Variants in LPIN3 observed in about 807,000 individuals in gnomAD.
The protein encoded by LPIN3 is phosphatidate phosphatase LPIN3.
LPIN3 carries 82 observed loss-of-function variants against 94.7 expected under a neutral mutation model. The observed-to-expected ratio is 0.87, with a 90% CI of 0.72 to 1.04. LPIN3 has a LOEUF of 1.04. LPIN3 is among the 50% of genes least tolerant of loss of function. LPIN3 has a pLI of 0.00. For synonymous variants in LPIN3, 418 were observed against 443.3 expected (o/e 0.94, Z 0.72); for missense variants, 996 against 1,090.5 (o/e 0.91, Z 1.22).
At position 41,358,706 on chromosome 20, in the gene LPIN3, C is replaced by T. The variant is rs2046304664; in HGVS notation, c.2412-16C>T. The T allele has an allele frequency of 6.2e-7, 1 of 1,613,168 alleles. No individual in the cohort carries two copies. The highest frequency in any genetic ancestry group is 1.3e-5 in the African/African-American group (1 of 74,912). The stretch of plus-strand genomic sequence containing the variant: ...GTGGCAGCTCAGGCTCAGTGCTGGC[C>T]CCCTTCTGCCTGTAGGTATGAGCGG... On this transcript the variant is annotated splice_polypyrimidine_tract_variant and intron_variant, in intron 19 of 19. Coordinates refer to ENST00000373257, the MANE Select transcript of LPIN3 (RefSeq NM_022896.3).
chr20:41,354,540 G>A, intron 11 of LPIN3, 105 bp from the exon 12 acceptor site: 1 of 1,091,974 alleles, frequency 9.2e-7, no homozygotes, highest in Non-Finnish European at 1.3e-6. Flanking sequence ...TTACCCTAGG[G>A]TTGGCTCAGA....
intron 3 of LPIN3, 88 bp downstream of exon 3, chr20:41,347,735 C>T (rs926182235): frequency 1.0e-5 from 12 of 1,194,128 alleles, no homozygotes; most frequent in Admixed American, 7.3e-5. Flanking sequence ...TCACCATCCT[C>T]GCCCTTCCCC....
At chr20:41,355,870 G>A (rs2046189388) in intron 13 of LPIN3, 26 bp from the exon 14 acceptor site, 2 of 1,612,196 alleles carry the variant, frequency 1.2e-6, no homozygotes, top group African/African-American at 2.7e-5. Flanking sequence ...TGGAGGAGAT[G>A]GCCTGAGAGC....
rs913912429 is a variant in LPIN3, at chr20:41,352,783, G to A, written c.1458-15G>A. 4 of 1,614,052 alleles carry A rather than the reference G, an allele frequency of 2.5e-6. No individual in the cohort carries two copies. In the African/African-American group the frequency reaches 5.3e-5, roughly 22 times the overall value. The stretch of plus-strand genomic sequence containing the variant: ...TGCAGCTGCTGCAGCTTGATGCCCT[G>A]TTCTGTCTCTCTAGGCATTATAACT... On this transcript the variant is annotated splice_polypyrimidine_tract_variant and intron_variant, in intron 10 of 19. Coordinates refer to ENST00000373257, the MANE Select transcript of LPIN3 (RefSeq NM_022896.3).
Position 41,358,728 on chromosome 20 carries a change from G to C in LPIN3, c.2418G>C (p.Glu806Asp). Residue 806 changes from glutamate to aspartate, a missense_variant, in exon 20 of 20, where the codon GAG (glutamate) becomes GAC (aspartate). Transcript: ENST00000373257. Reference sequence around the variant, plus strand: ...GGCCCCCTTCTGCCTGTAGGTATGAGCGGCTTGGTGAAGTGGTCGAGCTCC... The same window carrying C: ...GGCCCCCTTCTGCCTGTAGGTATGACCGGCTTGGTGAAGTGGTCGAGCTCC... The part of the protein sequence containing the change: ...ELIKNHKSTY[E>D]RLGEVVELLF... The C allele has an allele frequency of 6.2e-7, 1 of 1,614,054 alleles. No homozygotes were observed. The highest frequency in any genetic ancestry group is 8.5e-7 in the Non-Finnish European group (1 of 1,179,974).
At chr20:41,342,552 G>A (rs975956667) in intron 1 of LPIN3, among the ~76,000 whole-genome samples, 18 of 152,202 alleles carry the variant, frequency 1.2e-4, no homozygotes, top group African/African-American at 4.3e-4. Flanking sequence ...GCTCTCCTCT[G>A]TCTGGAAAAG....
In LPIN3 at chr20:41,358,847, A is replaced by C; in HGVS notation, c.2537A>C (p.Asp846Ala). ...TGGCGGGAGCCACTGCCTGCTGTGG[A>C]CCTTGATACCCTGGACTGAACCTGC... Reference protein sequence around the residue: ...CYWREPLPAVDLDTLD With the variant: ...CYWREPLPAVALDTLD The change falls in exon 20 of 20, where the codon GAC (aspartate) becomes GCC (alanine). Residue 846 changes from aspartate (D) to alanine (A), a missense_variant. Coordinates refer to ENST00000373257, the MANE Select transcript of LPIN3 (RefSeq NM_022896.3). The C allele has an allele frequency of 6.2e-7, 1 of 1,613,564 alleles. No individual in the cohort carries two copies. Among genetic ancestry groups the C allele is most frequent in the Non-Finnish European group, 8.5e-7 (1 of 1,179,884 alleles).
chr20:41,357,008 A>G (rs1401887344), intron 14 of LPIN3, 32 bp from the exon 15 acceptor site: 6 of 1,600,408 alleles, frequency 3.7e-6, no homozygotes, highest in African/African-American at 1.3e-5. Flanking sequence ...GCTGTCATCA[A>G]TCACGACACA....
In LPIN3 at chr20:41,348,622, C is replaced by G. The variant is rs1172198927; in HGVS notation, c.292C>G (p.His98Asp). The change falls in exon 4 of 20, where the codon CAT becomes GAT. Residue 98 changes from histidine to aspartate, a missense_variant. Coordinates refer to ENST00000373257, the MANE Select transcript of LPIN3 (RefSeq NM_022896.3). ...CAGTTCTTGGTCTGTTCCACAGGAACATGTGCCTCCCGGCCTGTGCACCTC... is the reference window on the plus strand; with the variant it reads ...CAGTTCTTGGTCTGTTCCACAGGAAGATGTGCCTCCCGGCCTGTGCACCTC... Reference protein sequence around the residue: ...FVQELESDDEHVPPGLCTSPI... With the variant: ...FVQELESDDEDVPPGLCTSPI... 6.2e-7 allele frequency: 1 copy of G among 1,605,624 alleles called. No individual in the cohort carries two copies. Among genetic ancestry groups the G allele is most frequent in the Non-Finnish European group, 8.5e-7 (1 of 1,174,718 alleles).
In LPIN3 at chr20:41,352,156, C is replaced by T. The variant is rs576893849; in HGVS notation, c.1299C>T (p.Asp433=). The T allele has an allele frequency of 6.2e-7, 1 of 1,614,218 alleles. No individual in the cohort carries two copies. The highest frequency in any genetic ancestry group is 1.3e-5 in the African/African-American group (1 of 75,058). The change falls in exon 9 of 20, where the codon GAC becomes GAT. Residue 433 remains aspartate, a synonymous_variant. Coordinates refer to ENST00000373257, the MANE Select transcript of LPIN3 (RefSeq NM_022896.3). ...NPEHEPEPTL[D]TVDTIALSLC... ...AACATGAACCTGAACCCACTCTGGA[C>T]ACAGTGGATACAATAGCACTGTCCC...
rs772744520 is a variant in LPIN3 at position 41,354,703 on chromosome 20, T to C, written c.1586T>C (p.Phe529Ser). 1.2e-6 allele frequency: 2 copies of C among 1,607,104 alleles called. No individual in the cohort carries two copies. Among genetic ancestry groups the C allele is most frequent in the East Asian group, 4.5e-5 (2 of 44,694 alleles). ...KMPRKGGRWW[F>S]SWRRRDFLAE... ...CCCCGGAAGGGTGGGCGATGGTGGTTTTCCTGGCGACGCAGGGACTTCCTG... is the reference window on the plus strand; with the variant it reads ...CCCCGGAAGGGTGGGCGATGGTGGTCTTCCTGGCGACGCAGGGACTTCCTG... The change falls in exon 12 of 20, where the codon TTT becomes TCT. Residue 529 changes from phenylalanine to serine, a missense_variant. Physicochemically the swap from Phe to Ser is radical, Grantham distance 155 (BLOSUM62 -2). Coordinates refer to ENST00000373257, the MANE Select transcript of LPIN3 (RefSeq NM_022896.3).
rs775303757 is a variant in LPIN3 at position 41,351,871 on chromosome 20, G to A, written c.1153G>A (p.Asp385Asn). ...GGGCCCCAGTGACATCTACCTGGATGACTTGCCCTCCCTGGACTCTGAGAA... is the reference window on the plus strand; with the variant it reads ...GGGCCCCAGTGACATCTACCTGGATAACTTGCCCTCCCTGGACTCTGAGAA... Reference protein sequence around the residue: ...HLGPSDIYLDDLPSLDSENAA... With the variant: ...HLGPSDIYLDNLPSLDSENAA... Residue 385 changes from aspartate to asparagine, a missense_variant, in exon 8 of 20, where the codon GAC (aspartate) becomes AAC (asparagine). Transcript: ENST00000373257. The A allele has an allele frequency of 8.7e-6, 14 of 1,614,108 alleles. No homozygotes were observed. The highest frequency in any genetic ancestry group is 3.3e-4 in the Middle Eastern group (2 of 6,084).
At chr20:41,352,287 G>T (rs1963148433) in intron 9 of LPIN3, 67 bp downstream of exon 9, 1 of 1,574,492 alleles carries the variant, frequency 6.4e-7, no homozygotes, top group South Asian at 1.1e-5. Flanking sequence ...GGAGGGCAGG[G>T]AAGACTGTGA....
chr20:41,358,060 C>T (rs755382543), intron 17 of LPIN3, 26 bp downstream of exon 17: 21 of 1,575,566 alleles, frequency 1.3e-5, no homozygotes, highest in Admixed American at 5.4e-5. Flanking sequence ...CATACAAGCC[C>T]GTGGCCCCCT....
At chr20:41,351,708 C>A in intron 7 of LPIN3, 113 bp from the exon 8 acceptor site, 2 of 863,158 alleles carry the variant, frequency 2.3e-6, no homozygotes, top group Non-Finnish European at 1.9e-6. Context: ...TGTATCACTG[C>A]AGAAGGTTCT....
intron 1 of LPIN3, among the ~76,000 whole-genome samples, chr20:41,344,166 T>C (rs1055278525): frequency 1.3e-5 from 2 of 152,244 alleles, no homozygotes; most frequent in African/African-American, 2.4e-5. Flanking sequence ...CAGGTGATGC[T>C]GATGCTGATG....
chr20:41,341,710 C>A (rs1411647521), intron 1 of LPIN3, among the ~76,000 whole-genome samples: 1 of 152,212 alleles, frequency 6.6e-6, no homozygotes, highest in Non-Finnish European at 1.5e-5. Context: ...CCGCTGGGCG[C>A]GGTGGCTCAC....
intron 6 of LPIN3, 76 bp downstream of exon 6, chr20:41,349,970 C>T (rs1357231916): frequency 3.2e-6 from 5 of 1,565,974 alleles, no homozygotes; most frequent in Non-Finnish European, 4.3e-6. Context: ...GTTGGAGGGA[C>T]TGAAACTCGG....
In LPIN3 at chr20:41,358,543, G is replaced by C; in HGVS notation, c.2411+1G>C. The C allele has an allele frequency of 6.2e-7, 1 of 1,613,904 alleles. No individual in the cohort carries two copies. The highest frequency in any genetic ancestry group is 8.5e-7 in the Non-Finnish European group (1 of 1,179,940). On this transcript the variant is annotated splice_donor_variant, in intron 19 of 19. Coordinates refer to ENST00000373257, the MANE Select transcript of LPIN3 (RefSeq NM_022896.3). LOFTEE classifies it high-confidence loss of function. ...AGCTCATAAAGAACCACAAATCCAC[G>C]TGAGGCTAAACCCTGCCATGTTCCC... is the stretch of plus-strand genomic sequence containing the variant.
Sources: gnomAD v4.1 joint callset for allele counts (sites outside exome capture counted in the v4.1 genomes callset) on GRCh38, gnomAD v4.1.1 for gene constraint, MANE v1.5 for transcripts, NCBI Gene and HGNC (gene_info 2026-07-23, HGNC 2026-07-21) for gene names.